Variants in WWOX observed in about 807,000 individuals in gnomAD.
WWOX encodes WW domain containing oxidoreductase, also known as WW domain-containing oxidoreductase.
Under a neutral mutation model 46.2 loss-of-function variants are expected in WWOX, and 69 were observed. That is an observed-to-expected ratio of 1.49 (90% confidence interval 1.23 to 1.82). The LOEUF (loss-of-function observed/expected upper bound fraction) is 1.82. Among genes scored for constraint, WWOX ranks in the 40% most tolerant of loss-of-function variants. The pLI is 0.00. For missense variants in WWOX, 919 were observed against 542.6 expected (o/e 1.69, Z -6.89); for synonymous variants, 359 against 202.6 (o/e 1.77, Z -6.56).
intron 8 of WWOX, among the ~76,000 whole-genome samples, chr16:79,149,673 A>C (rs2050241462): frequency 6.6e-6 from 1 of 152,244 alleles, no homozygotes; most frequent in Non-Finnish European, 1.5e-5. Flanking sequence ...CTGCCTGCTT[A>C]TATTTTCATC....
chr16:78,385,828 CCT>C (rs1354699432), intron 5 of WWOX, among the ~76,000 whole-genome samples: 1 of 152,110 alleles, frequency 6.6e-6, no homozygotes, highest in African/African-American at 2.4e-5. Context: ...GGCAGGTGGC[CCT>C]GTGTTCTTGG....
intron 6 of WWOX, among the ~76,000 whole-genome samples, chr16:78,393,765 T>C (rs1271510523): frequency 1.3e-5 from 2 of 152,184 alleles, no homozygotes; most frequent in Non-Finnish European, 2.9e-5. Flanking sequence ...TCTTCTGAAC[T>C]TTCTGTCACC....
At chr16:78,567,868 C>G (rs1466205339) in intron 8 of WWOX, among the ~76,000 whole-genome samples, 1 of 152,132 alleles carries the variant, frequency 6.6e-6, no homozygotes, top group African/African-American at 2.4e-5. Context: ...AAGCCTGCAG[C>G]TCGTCCCGTG....
intron 3 of WWOX, among the ~76,000 whole-genome samples, chr16:78,114,161 A>T (rs943590791): frequency 1.0e-4 from 15 of 150,744 alleles, no homozygotes; most frequent in Admixed American, 2.6e-4. Context: ...GCAGTGGCAC[A>T]ATCATGGCTC....
chr16:78,328,081 C>T (rs1471747809), intron 5 of WWOX, among the ~76,000 whole-genome samples: 2 of 151,922 alleles, frequency 1.3e-5, no homozygotes, highest in Non-Finnish European at 2.9e-5. Flanking sequence ...GCCATGTTGG[C>T]CAGGCTGGTC....
chr16:79,058,121 CAAACAAACAAAAAAAAAAA>C (rs1234165398), intron 8 of WWOX, among the ~76,000 whole-genome samples: 24 of 29,672 alleles, frequency 8.1e-4, no homozygotes, highest in African/African-American at 5.4e-3. Context: ...AAAAAAAAAA[CAAACAAACAAAAAAAAAAA>C]ACTCCTTCTT....
At chr16:78,177,087 G>T (rs1197098903) in intron 5 of WWOX, among the ~76,000 whole-genome samples, 1 of 152,210 alleles carries the variant, frequency 6.6e-6, no homozygotes, top group East Asian at 1.9e-4. Context: ...GTTACTCCAG[G>T]AGATTTTGAT....
At chr16:78,373,213 T>G (rs1032769273) in intron 5 of WWOX, among the ~76,000 whole-genome samples, 4 of 152,204 alleles carry the variant, frequency 2.6e-5, no homozygotes, top group African/African-American at 9.6e-5. Flanking sequence ...GTACTAGATC[T>G]ACCTTATGAG....
chr16:78,964,242 G>A (rs1043823227), intron 8 of WWOX, among the ~76,000 whole-genome samples: 2 of 152,158 alleles, frequency 1.3e-5, no homozygotes, highest in South Asian at 2.1e-4. Flanking sequence ...AAGAAGACAG[G>A]AAAATGTGGG....
At chr16:78,374,496 T>A (rs1236964602) in intron 5 of WWOX, among the ~76,000 whole-genome samples, 1 of 151,512 alleles carries the variant, frequency 6.6e-6, no homozygotes, top group Non-Finnish European at 1.5e-5. Context: ...GTGTTTATGG[T>A]GTTTTGAGTC....
chr16:78,726,104 C>CTCCCTCCCTCT (rs2048827653), intron 8 of WWOX, among the ~76,000 whole-genome samples: 1 of 131,078 alleles, frequency 7.6e-6, no homozygotes, highest in African/African-American at 2.8e-5. Context: ...TCCCTCCCTC[C>CTCCCTCCCTCT]CTCCCTCTCT....
At chr16:78,984,113 C>A (rs1277512125) in intron 8 of WWOX, among the ~76,000 whole-genome samples, 1 of 152,028 alleles carries the variant, frequency 6.6e-6, no homozygotes, top group East Asian at 1.9e-4. Flanking sequence ...CTCCTGACCT[C>A]GTGATCTGCC....
intron 8 of WWOX, among the ~76,000 whole-genome samples, chr16:78,746,361 G>A (rs898066276): frequency 3.3e-5 from 5 of 152,140 alleles, no homozygotes; most frequent in Non-Finnish European, 7.3e-5. Flanking sequence ...AGCTGGGAAT[G>A]ATGGTGCATG....
intron 8 of WWOX, among the ~76,000 whole-genome samples, chr16:78,725,339 C>CCT (rs2048800715): frequency 2.3e-5 from 2 of 86,776 alleles, no homozygotes; most frequent in African/African-American, 4.9e-5. Flanking sequence ...CTTTTCTTTT[C>CCT]TTTTCTTTTT....
chr16:78,498,188 G>C (rs1386427831), intron 8 of WWOX, among the ~76,000 whole-genome samples: 2 of 111,028 alleles, frequency 1.8e-5, no homozygotes, highest in African/African-American at 6.2e-5. Flanking sequence ...CTGGGCAACA[G>C]AGCAAGACTC....
intron 8 of WWOX, among the ~76,000 whole-genome samples, chr16:78,815,427 T>C (rs2051303761): frequency 6.6e-6 from 1 of 152,214 alleles, no homozygotes. Flanking sequence ...ACCTTGCTGT[T>C]TCCTTAAACC....
intron 8 of WWOX, among the ~76,000 whole-genome samples, chr16:78,781,148 A>C (rs2050313849): frequency 6.6e-6 from 1 of 152,194 alleles, no homozygotes; most frequent in African/African-American, 2.4e-5. Context: ...CAGGGAAATG[A>C]TGACACATTC....
chr16:79,089,047 G>A (rs2048904635), intron 8 of WWOX, among the ~76,000 whole-genome samples: 2 of 152,222 alleles, frequency 1.3e-5, no homozygotes, highest in South Asian at 4.1e-4. Flanking sequence ...CTGAATTAGG[G>A]CCCTTTGGTG....
At chr16:78,473,425 T>G (rs2084278655) in intron 8 of WWOX, among the ~76,000 whole-genome samples, 1 of 149,860 alleles carries the variant, frequency 6.7e-6, no homozygotes, top group African/African-American at 2.5e-5. Context: ...CCGACCTTTT[T>G]ATGTATTGTT....
Sources: allele counts gnomAD v4.1 joint callset (sites outside exome capture counted in the v4.1 genomes callset), GRCh38; gene constraint gnomAD v4.1.1; transcripts MANE v1.5; gene names NCBI Gene and HGNC (gene_info 2026-07-23, HGNC 2026-07-21).